The following COL19A1 variants were observed in gnomAD, a reference collection of about 807,000 sequenced individuals.
COL19A1 encodes collagen type XIX alpha 1 chain, also known as collagen alpha-1(XIX) chain.
Under a neutral mutation model 190.2 loss-of-function variants are expected in COL19A1, and 159 were observed. The observed-to-expected ratio is 0.84, with a 90% CI of 0.73 to 0.95. The LOEUF (loss-of-function observed/expected upper bound fraction) is 0.95. COL19A1 is among the 40% of genes least tolerant of loss of function. COL19A1 has a pLI of 0.00. For synonymous variants in COL19A1, 509 were observed against 458.9 expected, an observed-to-expected ratio of 1.11 and a Z score of -1.39; for missense variants, 1,418 against 1,431.9, an observed-to-expected ratio of 0.99 and a Z score of 0.16.
Position 70,156,684 on chromosome 6 carries a change from G to A in COL19A1, c.2253G>A (p.Glu751=). ...GREGPKGSKG[E]RGYPGIPGEK... ...TGTCTTTTTAGGGAAGCAAAGGAGA[G>A]CGGGGCTACCCTGGGATACCTGGGG... Residue 751 remains glutamate (E), a synonymous_variant, in exon 34 of 51, where the codon GAG becomes GAA. Transcript: ENST00000620364. 6.2e-7 allele frequency: 1 copy of A among 1,611,858 alleles called. No individual in the cohort carries two copies. Among genetic ancestry groups the A allele is most frequent in the African/African-American group, 1.3e-5 (1 of 74,916 alleles).
At position 70,156,171 on chromosome 6, in the gene COL19A1, C is replaced by T. The variant is rs1344580726; in HGVS notation, c.2124C>T (p.Ser708=). The change falls in exon 32 of 51, where the codon AGC becomes AGT. Residue 708 remains serine (S), a synonymous_variant. Transcript: ENST00000620364. ...AAGCCAGTGTCCCAGGGCTGAAAAGCAACAAAGGAGAAGAAGGAGGTGCTG... is the reference window on the plus strand; with the variant it reads ...AAGCCAGTGTCCCAGGGCTGAAAAGTAACAAAGGAGAAGAAGGAGGTGCTG... ...NCQASVPGLK[S]NKGEEGGAGE... The T allele has an allele frequency of 1.5e-5, 25 of 1,613,056 alleles. No individual in the cohort carries two copies. Among genetic ancestry groups the T allele is most frequent in the Non-Finnish European group, 1.8e-5 (21 of 1,179,546 alleles).
At chr6:69,996,782 C>A (rs1776927794) in intron 11 of COL19A1, among the ~76,000 whole-genome samples, 1 of 151,694 alleles carries the variant, frequency 6.6e-6, no homozygotes, top group Non-Finnish European at 1.5e-5. Context: ...TTATTTAAAA[C>A]CTTTAAAAAC....
At chr6:69,986,545 G>GAGAT (rs1776327014) in intron 11 of COL19A1, among the ~76,000 whole-genome samples, 1 of 152,130 alleles carries the variant, frequency 6.6e-6, no homozygotes, top group African/African-American at 2.4e-5. Context: ...AACTCTCTTA[G>GAGAT]AGATGGTTGC....
intron 16 of COL19A1, among the ~76,000 whole-genome samples, chr6:70,104,009 A>G (rs1440954123): frequency 6.6e-6 from 1 of 152,212 alleles, no homozygotes; most frequent in Non-Finnish European, 1.5e-5. Context: ...GCCTCAACCC[A>G]GTACCCTAGG....
At chr6:70,195,312 G>A (rs1767131126) in intron 48 of COL19A1, among the ~76,000 whole-genome samples, 1 of 152,024 alleles carries the variant, frequency 6.6e-6, no homozygotes, top group Non-Finnish European at 1.5e-5. Context: ...TAAGAGCAGG[G>A]TTTTAAAAAC....
intron 42 of COL19A1, among the ~76,000 whole-genome samples, chr6:70,177,257 C>A (rs1461427116): frequency 1.3e-5 from 2 of 152,164 alleles, no homozygotes; most frequent in African/African-American, 2.4e-5. Flanking sequence ...GGTGCTCCTG[C>A]AGGGCAGGTC....
intron 49 of COL19A1, among the ~76,000 whole-genome samples, 176 bp from the exon 50 acceptor site, chr6:70,206,725 A>G (rs1169474541): frequency 2.6e-5 from 4 of 152,028 alleles, no homozygotes; most frequent in Non-Finnish European, 4.4e-5. Context: ...ATTATACCCA[A>G]TCTGTTTGAT....
At chr6:70,117,221 A>C (rs1784630703) in intron 16 of COL19A1, among the ~76,000 whole-genome samples, 1 of 152,198 alleles carries the variant, frequency 6.6e-6, no homozygotes, top group Non-Finnish European at 1.5e-5. Flanking sequence ...AGGGAAAAAA[A>C]GGCAAAAATA....
chr6:70,027,716 GAAA>G (rs1778804427), intron 12 of COL19A1, among the ~76,000 whole-genome samples: 2 of 150,522 alleles, frequency 1.3e-5, no homozygotes, highest in African/African-American at 5.0e-5. Context: ...TGAATTGCTA[GAAA>G]ATTTAACCTT....
intron 2 of COL19A1, among the ~76,000 whole-genome samples, chr6:69,882,609 A>G (rs1768637151): frequency 6.6e-6 from 1 of 152,242 alleles, no homozygotes; most frequent in Non-Finnish European, 1.5e-5. Flanking sequence ...CAGAGTTTAA[A>G]AAAACAGGCT....
chr6:69,935,595 G>A lies in COL19A1; in HGVS notation c.748-1190G>A, dbSNP rs1245841320. 3.3e-5 allele frequency among the ~76,000 whole-genome samples: 5 copies of A among 152,170 alleles called. No individual in the cohort carries two copies. In the East Asian group the frequency reaches 9.6e-4, roughly 29 times the overall value. On this transcript the variant is annotated intron_variant, in intron 7 of 50. Transcript: ENST00000620364. ...TAAATAATCCTGAAATCTGGAGAGA[G>A]TAGATTTGAAAGAACTAGTGGTGGA... is the stretch of plus-strand genomic sequence containing the variant.
intron 17 of COL19A1, among the ~76,000 whole-genome samples, chr6:70,129,928 T>C (rs894408576): frequency 6.6e-6 from 1 of 152,184 alleles, no homozygotes; most frequent in Admixed American, 6.5e-5. Flanking sequence ...AGGTGTGATG[T>C]TTCTCCAGAA....
chr6:69,932,965 G>C (rs1772877122), intron 7 of COL19A1, 102 bp downstream of exon 7: 2 of 652,402 alleles, frequency 3.1e-6, no homozygotes, highest in Admixed American at 6.6e-5. Context: ...AGTGTGTTCT[G>C]TTGAAGCCAG....
At chr6:70,056,522 C>T (rs1780513470) in intron 14 of COL19A1, among the ~76,000 whole-genome samples, 1 of 152,258 alleles carries the variant, frequency 6.6e-6, no homozygotes, top group East Asian at 1.9e-4. Flanking sequence ...TCCTCCTTCA[C>T]CTGTGCCGTG....
chr6:70,164,991 A>G (rs1356652256), intron 36 of COL19A1, among the ~76,000 whole-genome samples: 2 of 152,244 alleles, frequency 1.3e-5, no homozygotes, highest in Non-Finnish European at 2.9e-5. Context: ...GTCCTTGATT[A>G]CATTTATGGG....
intron 11 of COL19A1, among the ~76,000 whole-genome samples, chr6:69,997,026 T>TAGAGAGAG: frequency 1.4e-5 from 2 of 146,976 alleles, no homozygotes; most frequent in South Asian, 4.2e-4. Flanking sequence ...TATATATATA[T>TAGAGAGAG]AGAGAGAGAG....
chr6:70,093,952 T>C (rs1009326685), intron 15 of COL19A1, among the ~76,000 whole-genome samples: 2 of 152,196 alleles, frequency 1.3e-5, no homozygotes, highest in Non-Finnish European at 2.9e-5. Context: ...GCCTCAATAA[T>C]GTTCATCTTT....
intron 11 of COL19A1, among the ~76,000 whole-genome samples, chr6:70,002,792 A>G (rs1360654465): frequency 7.1e-6 from 1 of 141,362 alleles, no homozygotes; most frequent in Non-Finnish European, 1.5e-5. Context: ...TGATCTATCC[A>G]TGTTGTTGTT....
chr6:69,995,699 A>G (rs1035201271), intron 11 of COL19A1, among the ~76,000 whole-genome samples: 6 of 152,190 alleles, frequency 3.9e-5, no homozygotes, highest in African/African-American at 1.2e-4. Flanking sequence ...ATGGTTTGTG[A>G]AACTTCAATA....
Sources: allele counts gnomAD v4.1 joint callset (sites outside exome capture counted in the v4.1 genomes callset), GRCh38; gene constraint gnomAD v4.1.1; transcripts MANE v1.5; gene names NCBI Gene and HGNC (gene_info 2026-07-23, HGNC 2026-07-21).